The following TBC1D5 variants were observed in gnomAD, a reference collection of about 807,000 sequenced individuals.
TBC1D5 encodes the protein TBC1 domain family member 5.
TBC1D5 carries 75 observed loss-of-function variants against 100.3 expected under a neutral mutation model. The ratio of observed to expected loss-of-function variants is 0.75; its 90% CI spans 0.62 to 0.91. TBC1D5 has a LOEUF of 0.91. TBC1D5 is among the 40% of genes least tolerant of loss of function. The pLI is 0.00. For missense variants in TBC1D5, 910 were observed against 942.4 expected, an observed-to-expected ratio of 0.97 and a Z score of 0.45; for synonymous variants, 323 against 325.6, an observed-to-expected ratio of 0.99 and a Z score of 0.09.
intron 17 of TBC1D5, among the ~76,000 whole-genome samples, chr3:17,231,160 T>C (rs938716375): frequency 6.6e-6 from 1 of 152,150 alleles, no homozygotes; most frequent in Non-Finnish European, 1.5e-5. Flanking sequence ...ATATGTCTTG[T>C]GTGTGTACCT....
intron 3 of TBC1D5, among the ~76,000 whole-genome samples, chr3:17,464,009 C>A (rs550705337): frequency 3.2e-4 from 46 of 143,852 alleles, no homozygotes; most frequent in Middle Eastern, 3.8e-3. Flanking sequence ...TGGAGTGCCA[C>A]GGCGCGATCT....
At chr3:17,487,767 G>C (rs1452756560) in intron 3 of TBC1D5, among the ~76,000 whole-genome samples, 4 of 152,096 alleles carry the variant, frequency 2.6e-5, no homozygotes, top group African/African-American at 9.7e-5. Flanking sequence ...ATCTGAAAAA[G>C]TAAAAGTCAA....
intron 3 of TBC1D5, among the ~76,000 whole-genome samples, chr3:17,430,382 ATAAT>A (rs1241902605): frequency 2.0e-5 from 3 of 151,950 alleles, no homozygotes; most frequent in Admixed American, 6.5e-5. Flanking sequence ...AATCCTTCAA[ATAAT>A]TAAGAGAATT....
intron 1 of TBC1D5, among the ~76,000 whole-genome samples, chr3:17,719,916 T>G (rs2075552748): frequency 6.6e-6 from 1 of 152,168 alleles, no homozygotes; most frequent in African/African-American, 2.4e-5. Context: ...ATATATCAAC[T>G]TAGTATAATC....
intron 18 of TBC1D5, among the ~76,000 whole-genome samples, chr3:17,206,609 C>T (rs2072217458): frequency 6.6e-6 from 1 of 152,156 alleles, no homozygotes; most frequent in Non-Finnish European, 1.5e-5. Flanking sequence ...ATGACGAATG[C>T]ACACAGGGGT....
At chr3:17,516,520 A>G (rs975827570) in intron 2 of TBC1D5, among the ~76,000 whole-genome samples, 3 of 152,330 alleles carry the variant, frequency 2.0e-5, no homozygotes, top group African/African-American at 7.2e-5. Flanking sequence ...ATTGTCATTC[A>G]CCAACCTTAT....
At chr3:17,359,129 A>G (rs1321876319) in intron 13 of TBC1D5, among the ~76,000 whole-genome samples, 1 of 152,152 alleles carries the variant, frequency 6.6e-6, no homozygotes, top group Non-Finnish European at 1.5e-5. Flanking sequence ...AAAAGCAAAA[A>G]TAAGAAGCAA....
rs1459958575 is a variant in TBC1D5, at chr3:17,590,543, T to C, written c.-36+33306A>G. Among the ~76,000 whole-genome samples the C allele has an allele frequency of 7.9e-5, 12 of 152,224 alleles. No individual in the cohort carries two copies. The South Asian group carries it at 2.3e-3, about 29-fold the overall frequency. ...ATCCCAACTGGGAGGGTCCAGAAGA[T>C]ACACCCTTGACCAATGCCTTGCAAA... On this transcript the variant is annotated intron_variant, in intron 2 of 21. Transcript: ENST00000253692.
intron 15 of TBC1D5, among the ~76,000 whole-genome samples, chr3:17,265,543 A>G (rs1258272646): frequency 6.6e-6 from 1 of 152,186 alleles, no homozygotes; most frequent in African/African-American, 2.4e-5. Flanking sequence ...GGGGAAAGCA[A>G]CCGTCATTAG....
Position 17,732,926 on chromosome 3 carries a change from A to G in TBC1D5, c.-101+6417T>C, listed in dbSNP as rs552221226. Among the ~76,000 whole-genome samples, 298 of 152,252 alleles carry G rather than the reference A, an allele frequency of 2.0e-3. 1 individual carries two copies. Among genetic ancestry groups the G allele is most frequent in the Middle Eastern group, 6.8e-3 (2 of 294 alleles). On this transcript the variant is annotated intron_variant, in intron 1 of 21. Transcript: ENST00000253692. ...ATTGCCACTGATCATGAAATTTTGT[A>G]GTAGTTTTGTGACAAGATGGGGACA...
intron 2 of TBC1D5, among the ~76,000 whole-genome samples, chr3:17,513,677 G>T (rs566250697): frequency 5.9e-5 from 9 of 152,164 alleles, no homozygotes; most frequent in Non-Finnish European, 1.2e-4. Context: ...ACACTGAAAT[G>T]ATATAGTATT....
In TBC1D5 at chr3:17,436,969, G is replaced by A. The variant is rs534635614; in HGVS notation, c.98-8450C>T. On this transcript the variant is annotated intron_variant, in intron 3 of 21. Coordinates refer to ENST00000253692, the Ensembl canonical transcript of TBC1D5. Reference sequence around the variant, plus strand: ...GTTGAATGTGTCCATCAAAAAGCATGTGTTGGAAACTTAATACACAATGCA... The same window carrying A: ...GTTGAATGTGTCCATCAAAAAGCATATGTTGGAAACTTAATACACAATGCA... Among the ~76,000 whole-genome samples the A allele has an allele frequency of 1.9e-4, 29 of 152,314 alleles. No homozygotes were observed. The South Asian group carries it at 6.0e-3, about 32-fold the overall frequency.
chr3:17,591,233 C>CAAAAAAAAAAAAAAAAAAAAAAAA lies in TBC1D5; in HGVS notation c.-36+32592_-36+32615dup, dbSNP rs60889092. Reference sequence around the variant, plus strand: ...ACTGGGCTACAAAGAAAGGATCTGTCAAAAAAAAAAAAAAAAAAAAAAAAA... The same window carrying CAAAAAAAAAAAAAAAAAAAAAAAA: ...ACTGGGCTACAAAGAAAGGATCTGTCAAAAAAAAAAAAAAAAAAAAAAAAAAAAAAAAAAAAAAAAAAAAAAAAA... On this transcript the variant is annotated intron_variant, in intron 2 of 21. Transcript: ENST00000253692. Among the ~76,000 whole-genome samples the CAAAAAAAAAAAAAAAAAAAAAAAA allele has an allele frequency of 5.9e-4, 11 of 18,662 alleles. 2 individuals carry two copies. The highest frequency in any genetic ancestry group is 1.0e-3 in the Admixed American group (1 of 994). 12.2% of individuals were successfully genotyped at this position (18,662 alleles called of 152,430 possible).
At chr3:17,297,797 C>T (rs1313439776) in intron 14 of TBC1D5, among the ~76,000 whole-genome samples, 1 of 151,462 alleles carries the variant, frequency 6.6e-6, no homozygotes, top group Non-Finnish European at 1.5e-5. Context: ...ACTACGTTGC[C>T]CAGGCTGGTC....
chr3:17,249,689 C>T (rs1264242143), intron 16 of TBC1D5, among the ~76,000 whole-genome samples: 3 of 152,182 alleles, frequency 2.0e-5, no homozygotes, highest in African/African-American at 7.2e-5. Context: ...AATTACCCAG[C>T]CTCAGGTATT....
At chr3:17,399,861 A>T (rs2093602621) in intron 8 of TBC1D5, among the ~76,000 whole-genome samples, 1 of 152,002 alleles carries the variant, frequency 6.6e-6, no homozygotes, top group African/African-American at 2.4e-5. Flanking sequence ...CCCTCTGTCT[A>T]CATGTTCTTG....
chr3:17,438,389 A>C (rs764564841), intron 3 of TBC1D5, among the ~76,000 whole-genome samples: 2 of 152,118 alleles, frequency 1.3e-5, no homozygotes, highest in East Asian at 3.9e-4. Context: ...TAATCCCCAC[A>C]TATCAATGGG....
At chr3:17,450,927 T>A (rs2094911058) in intron 3 of TBC1D5, among the ~76,000 whole-genome samples, 1 of 152,028 alleles carries the variant, frequency 6.6e-6, no homozygotes, top group Non-Finnish European at 1.5e-5. Context: ...CCAAGACACA[T>A]AATCGTCAGA....
intron 13 of TBC1D5, among the ~76,000 whole-genome samples, chr3:17,366,836 T>C (rs1199373741): frequency 6.6e-6 from 1 of 152,164 alleles, no homozygotes; most frequent in Non-Finnish European, 1.5e-5. Context: ...TAAAATTATA[T>C]CAATAATTTG....
Sources: allele counts gnomAD v4.1 joint callset (sites outside exome capture counted in the v4.1 genomes callset), GRCh38; gene constraint gnomAD v4.1.1; transcripts MANE v1.5; gene names NCBI Gene and HGNC (gene_info 2026-07-23, HGNC 2026-07-21).